ROBO1: variants seen among roughly 807,000 people sequenced by gnomAD.
ROBO1 encodes the protein roundabout homolog 1.
A neutral mutation model predicts 195.9 loss-of-function variants in ROBO1; 149 were observed. That is an observed-to-expected ratio of 0.76 (90% confidence interval 0.67 to 0.87). ROBO1 has a LOEUF of 0.87. Among genes scored for constraint, ROBO1 ranks in the 40% least tolerant of loss-of-function variants. The probability of loss-of-function intolerance (pLI) is 0.00; values close to 1 mark genes in which losing one functional copy is unlikely to be tolerated. For missense variants in ROBO1, 1,933 were observed against 2,068.3 expected (o/e 0.93, Z 1.27); for synonymous variants, 816 against 733.2 (o/e 1.11, Z -1.82).
At chr3:78,686,580 C>G (rs2081058241) in intron 9 of ROBO1, among the ~76,000 whole-genome samples, 1 of 151,168 alleles carries the variant, frequency 6.6e-6, no homozygotes, top group South Asian at 2.1e-4. Flanking sequence ...AATTAACTAT[C>G]ATTATGGTAA....
chr3:78,662,076 C>A lies in ROBO1; in HGVS notation c.2005G>T (p.Val669Phe). 2.5e-6 allele frequency: 4 copies of A among 1,578,424 alleles called. No individual in the cohort carries two copies. The highest frequency in any genetic ancestry group is 3.4e-6 in the Non-Finnish European group (4 of 1,161,142). ...PTSQGVDHKQ[V>F]QRELGNAVLH... ...ACAGCATTTCCCAGCTCTCTCTGGACCTGCTTGTGGTCCACCCCCTGACTT... is the reference window on the plus strand; with the variant it reads ...ACAGCATTTCCCAGCTCTCTCTGGAACTGCTTGTGGTCCACCCCCTGACTT... Residue 669 changes from valine to phenylalanine, a missense_variant, in exon 15 of 31, where the codon GTC (valine) becomes TTC (phenylalanine). Physicochemically the swap from Val to Phe is conservative, Grantham distance 50. Coordinates refer to ENST00000464233, the MANE Select transcript of ROBO1 (RefSeq NM_002941.4).
intron 2 of ROBO1, among the ~76,000 whole-genome samples, chr3:79,220,701 A>G (rs1473242893): frequency 1.3e-5 from 2 of 151,982 alleles, no homozygotes; most frequent in African/African-American, 4.8e-5. Flanking sequence ...GGAAAAAGAG[A>G]AAGAATCCCT....
At chr3:79,704,586 C>A (rs1380990298) in intron 1 of ROBO1, among the ~76,000 whole-genome samples, 1 of 151,888 alleles carries the variant, frequency 6.6e-6, no homozygotes, top group Non-Finnish European at 1.5e-5. Context: ...CTTTCATTTG[C>A]TGAAAGATCC....
chr3:79,031,086 G>A (rs1167625224), intron 3 of ROBO1, among the ~76,000 whole-genome samples: 1 of 152,198 alleles, frequency 6.6e-6, no homozygotes, highest in Non-Finnish European at 1.5e-5. Flanking sequence ...ATATGTGATG[G>A]TAAGGCAGAG....
chr3:79,336,432 G>A (rs1015129837), intron 2 of ROBO1, among the ~76,000 whole-genome samples: 1 of 152,226 alleles, frequency 6.6e-6, no homozygotes, highest in African/African-American at 2.4e-5. Flanking sequence ...TACTGCTCAG[G>A]CAATTGCTTC....
At chr3:79,213,217 C>G (rs1478172771) in intron 2 of ROBO1, among the ~76,000 whole-genome samples, 2 of 151,736 alleles carry the variant, frequency 1.3e-5, no homozygotes, top group Non-Finnish European at 2.9e-5. Flanking sequence ...TGCACTCCAG[C>G]CTGTATGACA....
At chr3:79,142,945 G>A (rs1195416911) in intron 2 of ROBO1, among the ~76,000 whole-genome samples, 1 of 152,056 alleles carries the variant, frequency 6.6e-6, no homozygotes, top group African/African-American at 2.4e-5. Flanking sequence ...ACAAAAGCAA[G>A]TCTCTGTAAT....
chr3:79,753,370 A>G (rs2107486171), intron 1 of ROBO1, among the ~76,000 whole-genome samples: 1 of 152,272 alleles, frequency 6.6e-6, no homozygotes, highest in Admixed American at 6.5e-5. Flanking sequence ...ATTTGCAAGA[A>G]GTCTTTTAAT....
In ROBO1 at chr3:78,948,981, C is replaced by T. The variant is rs1345521607; in HGVS notation, c.173-10054G>A. 2.7e-5 allele frequency among the ~76,000 whole-genome samples: 4 copies of T among 150,384 alleles called. 1 individual carries two copies. In the East Asian group the frequency reaches 5.9e-4, roughly 22 times the overall value. On this transcript the variant is annotated intron_variant, in intron 3 of 30. Transcript: ENST00000464233. Reference sequence around the variant, plus strand: ...ATGTGAAGGACCTCTTCAAGGAGAACTACAAACCACTGCTCAAGGAAATAA... The same window carrying T: ...ATGTGAAGGACCTCTTCAAGGAGAATTACAAACCACTGCTCAAGGAAATAA...
intron 4 of ROBO1, among the ~76,000 whole-genome samples, chr3:78,779,727 C>T (rs1394427741): frequency 6.6e-6 from 1 of 152,112 alleles, no homozygotes; most frequent in Non-Finnish European, 1.5e-5. Context: ...ACCAGAAATA[C>T]CATTTGACCT....
intron 2 of ROBO1, among the ~76,000 whole-genome samples, chr3:79,499,034 G>C (rs1310361973): frequency 6.6e-6 from 1 of 151,104 alleles, no homozygotes; most frequent in East Asian, 2.0e-4. Context: ...TGCTTTTGTC[G>C]CCCAGGCTGG....
intron 4 of ROBO1, among the ~76,000 whole-genome samples, chr3:78,815,706 C>G (rs1328899793): frequency 6.6e-6 from 1 of 152,106 alleles, no homozygotes; most frequent in African/African-American, 2.4e-5. Context: ...CTTTGCTCAT[C>G]CATAAGAAGC....
At chr3:79,426,259 C>A (rs1204301871) in intron 2 of ROBO1, among the ~76,000 whole-genome samples, 1 of 152,142 alleles carries the variant, frequency 6.6e-6, no homozygotes, top group Non-Finnish European at 1.5e-5. Flanking sequence ...CACGATGTAA[C>A]ACAAATAATA....
chr3:79,032,043 G>T (rs1197097792), intron 3 of ROBO1, among the ~76,000 whole-genome samples: 1 of 152,040 alleles, frequency 6.6e-6, no homozygotes, highest in Non-Finnish European at 1.5e-5. Context: ...CATATTCAAT[G>T]TATATACTTA....
At chr3:78,951,024 TAATA>T (rs1311328722) in intron 3 of ROBO1, among the ~76,000 whole-genome samples, 1 of 151,646 alleles carries the variant, frequency 6.6e-6, no homozygotes, top group Non-Finnish European at 1.5e-5. Flanking sequence ...ATATCATAAA[TAATA>T]TATATAAAAC....
At chr3:79,017,082 G>T (rs2077960253) in intron 3 of ROBO1, among the ~76,000 whole-genome samples, 1 of 152,088 alleles carries the variant, frequency 6.6e-6, no homozygotes, top group African/African-American at 2.4e-5. Context: ...AGATATACCA[G>T]GTTGAAACTT....
At chr3:79,596,626 AT>A (rs1198480194) in intron 1 of ROBO1, among the ~76,000 whole-genome samples, 1 of 152,084 alleles carries the variant, frequency 6.6e-6, no homozygotes, top group Non-Finnish European at 1.5e-5. Flanking sequence ...ATAAGTCATA[AT>A]ATATTATCTT....
chr3:78,725,032 G>A (rs1471683289), intron 5 of ROBO1, among the ~76,000 whole-genome samples: 1 of 152,120 alleles, frequency 6.6e-6, no homozygotes, highest in African/African-American at 2.4e-5. Context: ...ACATAATCCG[G>A]GTAGTGGAGA....
chr3:78,617,509 A>AC, intron 27 of ROBO1, 126 bp downstream of exon 27: 1 of 983,210 alleles, frequency 1.0e-6, no homozygotes, highest in Non-Finnish European at 1.4e-6. Flanking sequence ...AGGCAGCTAA[A>AC]AAAAAAAAAA....
Sources: allele counts gnomAD v4.1 joint callset (sites outside exome capture counted in the v4.1 genomes callset), GRCh38; gene constraint gnomAD v4.1.1; transcripts MANE v1.5; gene names NCBI Gene and HGNC (gene_info 2026-07-23, HGNC 2026-07-21).